CORIN: variants seen among roughly 807,000 people sequenced by gnomAD.
CORIN encodes corin, serine peptidase, also known as atrial natriuretic peptide-converting enzyme.
Under a neutral mutation model 125.3 loss-of-function variants are expected in CORIN, and 117 were observed. The ratio of observed to expected loss-of-function variants is 0.93; its 90% confidence interval spans 0.80 to 1.09. CORIN has a LOEUF of 1.09. CORIN is among the 50% of genes least tolerant of loss of function. The pLI is 0.00. For synonymous variants in CORIN, 450 were observed against 466.4 expected, an observed-to-expected ratio of 0.96 and a Z score of 0.45; for missense variants, 1,253 against 1,306.7, an observed-to-expected ratio of 0.96 and a Z score of 0.63.
chr4:47,733,133 T>A (rs1252348692), intron 5 of CORIN, among the ~76,000 whole-genome samples: 1 of 151,300 alleles, frequency 6.6e-6, no homozygotes, highest in East Asian at 2.0e-4. Flanking sequence ...GCACAGGGCA[T>A]GTGGCTTCTC....
intron 6 of CORIN, among the ~76,000 whole-genome samples, chr4:47,689,450 C>A (rs891322202): frequency 2.6e-5 from 4 of 152,068 alleles, no homozygotes; most frequent in Non-Finnish European, 5.9e-5. Context: ...CATTACTACA[C>A]CGTATTACAC....
At chr4:47,772,073 T>TTGCATAGA (rs1730057745) in intron 3 of CORIN, among the ~76,000 whole-genome samples, 1 of 110,622 alleles carries the variant, frequency 9.0e-6, no homozygotes, top group Admixed American at 1.0e-4. Context: ...AGCTTTCACA[T>TTGCATAGA]TACATAGATA....
At chr4:47,638,555 A>G (rs896329180) in intron 16 of CORIN, among the ~76,000 whole-genome samples, 4 of 152,190 alleles carry the variant, frequency 2.6e-5, no homozygotes, top group Admixed American at 6.5e-5. Context: ...ACAAGATCAT[A>G]TGGTTTTAAA....
intron 19 of CORIN, among the ~76,000 whole-genome samples, chr4:47,614,434 G>A (rs1577738277): frequency 6.6e-6 from 1 of 152,192 alleles, no homozygotes; most frequent in African/African-American, 2.4e-5. Flanking sequence ...CCTGACCTCA[G>A]GTGATCCACC....
chr4:47,656,082 G>C (rs1723965718), intron 12 of CORIN, among the ~76,000 whole-genome samples: 2 of 150,404 alleles, frequency 1.3e-5, no homozygotes. Flanking sequence ...TGACATAAAA[G>C]TCCTCAAGAA....
chr4:47,792,254 G>T (rs1345601746), intron 2 of CORIN, among the ~76,000 whole-genome samples: 1 of 152,126 alleles, frequency 6.6e-6, no homozygotes, highest in African/African-American at 2.4e-5. Context: ...TAAGAGAAAA[G>T]ACTGAAAAGG....
intron 2 of CORIN, among the ~76,000 whole-genome samples, chr4:47,797,093 A>G (rs568494483): frequency 4.8e-4 from 73 of 151,960 alleles, no homozygotes; most frequent in African/African-American, 1.8e-3. Flanking sequence ...CACTCAATAC[A>G]TATTTGTTAA....
At chr4:47,757,102 G>A (rs1729181407) in intron 4 of CORIN, among the ~76,000 whole-genome samples, 1 of 151,770 alleles carries the variant, frequency 6.6e-6, no homozygotes, top group South Asian at 2.1e-4. Flanking sequence ...TGGTTAGCAG[G>A]GGAAATTAGT....
At chr4:47,629,332 A>G (rs1414880984) in intron 16 of CORIN, among the ~76,000 whole-genome samples, 2 of 152,032 alleles carry the variant, frequency 1.3e-5, no homozygotes, top group Non-Finnish European at 2.9e-5. Context: ...TGGCCATTCT[A>G]TGTCTTCCTT....
intron 6 of CORIN, among the ~76,000 whole-genome samples, chr4:47,691,170 T>C (rs1038288543): frequency 1.3e-5 from 2 of 152,164 alleles, no homozygotes; most frequent in African/African-American, 2.4e-5. Context: ...CTCAGTACTA[T>C]TGAGGAACAT....
At chr4:47,750,467 G>A (rs954067828) in intron 4 of CORIN, among the ~76,000 whole-genome samples, 1 of 152,176 alleles carries the variant, frequency 6.6e-6, no homozygotes, top group Admixed American at 6.5e-5. Context: ...ACTGCAGAAT[G>A]TTTAATGAAG....
intron 2 of CORIN, among the ~76,000 whole-genome samples, 181 bp downstream of exon 2, chr4:47,806,722 T>C (rs1731811834): frequency 6.6e-6 from 1 of 152,200 alleles, no homozygotes; most frequent in South Asian, 2.1e-4. Flanking sequence ...TTAATATTAA[T>C]AATAATAACC....
chr4:47,616,129 T>C (rs1057219039), intron 19 of CORIN, among the ~76,000 whole-genome samples: 1 of 152,170 alleles, frequency 6.6e-6, no homozygotes, highest in Non-Finnish European at 1.5e-5. Context: ...GAACATCTTA[T>C]CTTCACAGTT....
chr4:47,747,101 C>T (rs1396960832), intron 4 of CORIN, among the ~76,000 whole-genome samples: 2 of 152,102 alleles, frequency 1.3e-5, no homozygotes, highest in Non-Finnish European at 2.9e-5. Flanking sequence ...TCCCAATGCC[C>T]TTGTGATCAC....
chr4:47,660,201 A>G (rs1724182063), intron 12 of CORIN, among the ~76,000 whole-genome samples: 1 of 152,192 alleles, frequency 6.6e-6, no homozygotes, highest in African/African-American at 2.4e-5. Context: ...ATGAATAAAG[A>G]CTTAAACCTA....
At chr4:47,748,170 C>CA (rs967158454) in intron 4 of CORIN, among the ~76,000 whole-genome samples, 15 of 152,258 alleles carry the variant, frequency 9.9e-5, no homozygotes, top group African/African-American at 3.4e-4. Flanking sequence ...CAACAGTGAG[C>CA]AAAATGTGTA....
intron 15 of CORIN, chr4:47,642,915 CA>C: frequency 2.0e-6 from 3 of 1,508,004 alleles, no homozygotes; most frequent in South Asian, 2.5e-5. Flanking sequence ...ATTTTGAACC[CA>C]AACGTTTTTC....
intron 5 of CORIN, among the ~76,000 whole-genome samples, chr4:47,699,084 A>G (rs1232905676): frequency 6.6e-6 from 1 of 152,226 alleles, no homozygotes; most frequent in African/African-American, 2.4e-5. Context: ...TAGGCAATAT[A>G]TGACTGACAG....
rs1722381710 is a variant in CORIN at position 47,622,962 on chromosome 4, T to C, written c.2540+609A>G. ...CCAGTTCAATTAAGTTCATTTCCCATTGCTACCCCTCTAATTTTCTCACCT... is the reference window on the plus strand; with the variant it reads ...CCAGTTCAATTAAGTTCATTTCCCACTGCTACCCCTCTAATTTTCTCACCT... On this transcript the variant is annotated intron_variant, in intron 19 of 21. Transcript: ENST00000273857. Among the ~76,000 whole-genome samples the C allele has an allele frequency of 1.3e-5, 2 of 151,986 alleles. 1 individual carries two copies. Among genetic ancestry groups the C allele is most frequent in the South Asian group, 4.2e-4 (2 of 4,818 alleles).
Sources: allele counts gnomAD v4.1 joint callset (sites outside exome capture counted in the v4.1 genomes callset), GRCh38; gene constraint gnomAD v4.1.1; transcripts MANE v1.5; gene names NCBI Gene and HGNC (gene_info 2026-07-23, HGNC 2026-07-21).